The following UNC5C variants were observed in gnomAD, a reference collection of about 807,000 sequenced individuals.
UNC5C encodes unc-5 netrin receptor C.
A neutral mutation model predicts 99.8 loss-of-function variants in UNC5C; 47 were observed. That is an observed-to-expected ratio of 0.47 (90% CI 0.37 to 0.60). UNC5C has a LOEUF of 0.60. Ranked by LOEUF, UNC5C falls within the 20% of genes least tolerant of loss-of-function variation. UNC5C has a pLI of 0.00. For synonymous variants in UNC5C, 487 were observed against 452.2 expected (o/e 1.08, Z -0.98); for missense variants, 1,062 against 1,165.9 (o/e 0.91, Z 1.30).
chr4:95,366,043 A>G (rs548382734), intron 1 of UNC5C, among the ~76,000 whole-genome samples: 1 of 152,288 alleles, frequency 6.6e-6, no homozygotes, highest in East Asian at 1.9e-4. Context: ...ACAGCAAAGT[A>G]CTGCCAACCC....
chr4:95,324,122 A>G (rs554619765), intron 2 of UNC5C, among the ~76,000 whole-genome samples: 7 of 152,008 alleles, frequency 4.6e-5, no homozygotes, highest in Non-Finnish European at 1.0e-4. Context: ...GAGGTCCCCA[A>G]CCCCCAGGCC....
intron 1 of UNC5C, among the ~76,000 whole-genome samples, chr4:95,378,081 C>G (rs1000504973): frequency 6.6e-6 from 1 of 152,108 alleles, no homozygotes; most frequent in Non-Finnish European, 1.5e-5. Flanking sequence ...TGTCTAAAAG[C>G]CACATAGTTA....
intron 1 of UNC5C, among the ~76,000 whole-genome samples, chr4:95,431,614 C>T (rs573073326): frequency 3.3e-5 from 5 of 152,110 alleles, no homozygotes; most frequent in African/African-American, 1.2e-4. Flanking sequence ...CTGAAGGTCA[C>T]AACTCTCTAG....
In UNC5C at chr4:95,380,530, G is replaced by C. The variant is rs559798238; in HGVS notation, c.125-44899C>G. ...CCTGGCCTCAAGCCATCCTGCCTCA[G>C]CCTCCCAAATCACCAGATTACAGGC... On this transcript the variant is annotated intron_variant, in intron 1 of 15. Transcript: ENST00000453304. 4.0e-5 allele frequency among the ~76,000 whole-genome samples: 6 copies of C among 149,286 alleles called. No individual in the cohort carries two copies. The South Asian group carries it at 1.3e-3, about 32-fold the overall frequency.
chr4:95,292,237 AT>A (rs1741496183), intron 3 of UNC5C, among the ~76,000 whole-genome samples: 1 of 11,246 alleles, frequency 8.9e-5, no homozygotes, highest in African/African-American at 4.2e-4. Flanking sequence ...ACACACACAC[AT>A]ATATATATAT....
At chr4:95,519,198 A>C (rs1252284791) in intron 1 of UNC5C, among the ~76,000 whole-genome samples, 2 of 152,164 alleles carry the variant, frequency 1.3e-5, no homozygotes, top group Admixed American at 1.3e-4. Context: ...GGTTAAGAAA[A>C]AAAATTCTAG....
chr4:95,527,058 C>T (rs28562685), intron 1 of UNC5C, among the ~76,000 whole-genome samples: 71,215 of 151,714 alleles, frequency 0.47, 17,597 homozygotes, highest in Middle Eastern at 0.59. Flanking sequence ...AAAAATCAAA[C>T]GCAAAACTCT....
intron 1 of UNC5C, among the ~76,000 whole-genome samples, chr4:95,415,428 G>T (rs887019955): frequency 2.6e-5 from 4 of 151,952 alleles, no homozygotes; most frequent in Admixed American, 6.6e-5. Flanking sequence ...TCAGAGGAGG[G>T]ATCAGATGAT....
At chr4:95,222,333 GA>G in intron 7 of UNC5C, 1 of 898,702 alleles carries the variant, frequency 1.1e-6, no homozygotes. Context: ...AAGAAAATAG[GA>G]AGCATGAAAA....
chr4:95,312,814 AG>A (rs1203563877), intron 2 of UNC5C, among the ~76,000 whole-genome samples: 2 of 152,168 alleles, frequency 1.3e-5, no homozygotes, highest in African/African-American at 2.4e-5. Flanking sequence ...TCTGTAGTAA[AG>A]AAGTCTGTTT....
At chr4:95,331,942 C>A (rs988134749) in intron 2 of UNC5C, among the ~76,000 whole-genome samples, 1 of 151,888 alleles carries the variant, frequency 6.6e-6, no homozygotes, top group African/African-American at 2.4e-5. Flanking sequence ...AAACAGAGAG[C>A]CAAATCATGA....
At chr4:95,268,492 C>T (rs1579283151) in intron 4 of UNC5C, among the ~76,000 whole-genome samples, 1 of 152,164 alleles carries the variant, frequency 6.6e-6, no homozygotes, top group African/African-American at 2.4e-5. Context: ...CTCCAAAAAC[C>T]ACTTTTGGCA....
chr4:95,190,681 G>GTCA (rs1737047187), intron 12 of UNC5C, among the ~76,000 whole-genome samples: 1 of 152,076 alleles, frequency 6.6e-6, no homozygotes, highest in Admixed American at 6.5e-5. Flanking sequence ...TCAAGAGTAG[G>GTCA]TCATCAATAA....
chr4:95,212,838 T>C (rs1738119429), intron 10 of UNC5C, among the ~76,000 whole-genome samples: 1 of 152,194 alleles, frequency 6.6e-6, no homozygotes. Flanking sequence ...TAGCCAGCTG[T>C]GAAATACTTT....
intron 7 of UNC5C, among the ~76,000 whole-genome samples, chr4:95,234,711 A>T (rs1560745860): frequency 1.3e-5 from 2 of 152,192 alleles, no homozygotes; most frequent in Non-Finnish European, 2.9e-5. Context: ...ATTTGAAGGC[A>T]CCAAGGCATT....
chr4:95,176,198 A>G (rs150485174), intron 14 of UNC5C, among the ~76,000 whole-genome samples: 95,798 of 150,752 alleles, frequency 0.64, 31,018 homozygotes, highest in African/African-American at 0.75. Context: ...ATTTCCTCCC[A>G]TAGCTCGGAG....
At chr4:95,303,055 A>AGGAAAGGG (rs1349659655) in intron 2 of UNC5C, among the ~76,000 whole-genome samples, 3 of 152,168 alleles carry the variant, frequency 2.0e-5, no homozygotes, top group African/African-American at 7.2e-5. Context: ...GGGAAAGAGC[A>AGGAAAGGG]GGAAAGGGAA....
rs369886943 is a variant in UNC5C at position 95,341,944 on chromosome 4, C to T, written c.125-6313G>A. On this transcript the variant is annotated intron_variant, in intron 1 of 15. Transcript: ENST00000453304. The stretch of plus-strand genomic sequence containing the variant: ...AAAATGGGGCAGAATTCAGCTGGGG[C>T]CCACAGAGGGAGCATTTATACTGCC... 9.4e-4 allele frequency among the ~76,000 whole-genome samples: 143 copies of T among 152,186 alleles called. 1 individual carries two copies. The highest frequency in any genetic ancestry group is 2.9e-3 in the African/African-American group (122 of 41,554).
chr4:95,179,846 G>GTGAT (rs1403695240), intron 14 of UNC5C, among the ~76,000 whole-genome samples: 1 of 151,640 alleles, frequency 6.6e-6, no homozygotes, highest in Non-Finnish European at 1.5e-5. Context: ...GTAAAGCAAT[G>GTGAT]TGATAAACCA....
Sources: allele counts gnomAD v4.1 joint callset (sites outside exome capture counted in the v4.1 genomes callset), GRCh38; gene constraint gnomAD v4.1.1; transcripts MANE v1.5; gene names NCBI Gene and HGNC (gene_info 2026-07-23, HGNC 2026-07-21).